GLYATL3: variants seen among roughly 807,000 people sequenced by gnomAD.
GLYATL3 encodes glycine-N-acyltransferase like 3, also known as glycine N-acyltransferase-like protein 3.
GLYATL3 carries 31 observed loss-of-function variants against 28.5 expected under a neutral mutation model. That is an observed-to-expected ratio of 1.09 (90% CI 0.82 to 1.47). The LOEUF (loss-of-function observed/expected upper bound fraction) is 1.47, where lower values mean the gene tolerates loss of function less well. GLYATL3 is among the 40% of genes most tolerant of loss of function. The pLI, the probability that GLYATL3 is intolerant of heterozygous loss-of-function variation, is 0.00. For synonymous variants in GLYATL3, 141 were observed against 140.2 expected (o/e 1.01, Z -0.04); for missense variants, 369 against 351.5 (o/e 1.05, Z -0.40).
At chr6:49,518,386 A>T (rs899720487) in intron 4 of GLYATL3, among the ~76,000 whole-genome samples, 1 of 152,216 alleles carries the variant, frequency 6.6e-6, no homozygotes, top group African/African-American at 2.4e-5. Context: ...GTCAGTGTAC[A>T]CTTACTCTTC....
chr6:49,522,602 A>T (rs1769336840), intron 5 of GLYATL3, among the ~76,000 whole-genome samples: 1 of 152,222 alleles, frequency 6.6e-6, no homozygotes, highest in Non-Finnish European at 1.5e-5. Flanking sequence ...TATTAAAAAA[A>T]GTTGTAATAT....
At chr6:49,512,868 C>T (rs1017951162) in intron 2 of GLYATL3, among the ~76,000 whole-genome samples, 2 of 152,198 alleles carry the variant, frequency 1.3e-5, no homozygotes, top group African/African-American at 4.8e-5. Context: ...CTCTAATGCA[C>T]TATACTGTGT....
intron 2 of GLYATL3, among the ~76,000 whole-genome samples, chr6:49,514,651 T>A (rs1396553436): frequency 1.3e-5 from 2 of 148,350 alleles, no homozygotes; most frequent in East Asian, 4.1e-4. Context: ...GGCAACATAA[T>A]GAGACCGCAT....
chr6:49,527,043 A>G lies in GLYATL3; in HGVS notation c.*129A>G. ...TTGTTGGAAAGGGTCTGGAGAATAT[A>G]TACAGGATCCACTTGAGAAGCCTTA... is the stretch of plus-strand genomic sequence containing the variant. On this transcript the variant is annotated 3_prime_UTR_variant, in exon 6 of 6. Transcript: ENST00000371197. 1.4e-6 allele frequency: 1 copy of G among 695,070 alleles called. No individual in the cohort carries two copies. The highest frequency in any genetic ancestry group is 2.3e-6 in the Non-Finnish European group (1 of 429,800). 43.1% of individuals were successfully genotyped at this position (695,070 alleles called of 1,614,324 possible).
In GLYATL3 at chr6:49,525,122, AT is replaced by A; in HGVS notation, c.441-1364del. Reference sequence around the variant, plus strand: ...TTTTTTTTTTTTTATTGAGCAAAAGATTAGGGCTTCAAGAATCTGGACTTAC... The same window carrying A: ...TTTTTTTTTTTTTATTGAGCAAAAGATAGGGCTTCAAGAATCTGGACTTAC... On this transcript the variant is annotated intron_variant, in intron 5 of 5. Transcript: ENST00000371197. 4.1e-5 allele frequency among the ~76,000 whole-genome samples: 6 copies of A among 147,702 alleles called. 1 individual carries two copies. In the East Asian group the frequency reaches 1.2e-3, roughly 29 times the overall value.
chr6:49,520,396 G>A (rs1769293544), intron 4 of GLYATL3, among the ~76,000 whole-genome samples: 2 of 152,122 alleles, frequency 1.3e-5, no homozygotes, highest in South Asian at 2.1e-4. Context: ...TATAATATGA[G>A]ATACTAGCCA....
chr6:49,521,032 A>C (rs7740682), intron 4 of GLYATL3, among the ~76,000 whole-genome samples: 18 of 151,950 alleles, frequency 1.2e-4, no homozygotes, highest in Admixed American at 6.6e-5. Context: ...AAATAAAGAA[A>C]AGAAACCATA....
intron 2 of GLYATL3, among the ~76,000 whole-genome samples, chr6:49,512,487 C>T (rs1769142842): frequency 6.6e-6 from 1 of 152,000 alleles, no homozygotes. Context: ...TTTTCATAGT[C>T]ACCTGGATGA....
At position 49,511,984 on chromosome 6, in the gene GLYATL3, G is replaced by A; in HGVS notation, c.-7G>A. 4 of 1,445,118 alleles carry A rather than the reference G, an allele frequency of 2.8e-6. No individual in the cohort carries two copies. Among genetic ancestry groups the A allele is most frequent in the Non-Finnish European group, 3.8e-6 (4 of 1,061,514 alleles). The allele number at this position is 1,445,118 out of a possible 1,614,324, so 89.5% of individuals were successfully genotyped here. ...TTAGGTGTGGAGTTGCAAGAGCTCT[G>A]GAAAAGATGTTGGTGCTAAACTGTT... is the stretch of plus-strand genomic sequence containing the variant. On this transcript the variant is annotated 5_prime_UTR_variant, in exon 2 of 6. Transcript: ENST00000371197.
intron 4 of GLYATL3, among the ~76,000 whole-genome samples, chr6:49,520,124 A>C (rs1373287204): frequency 2.6e-5 from 4 of 152,198 alleles, no homozygotes; most frequent in African/African-American, 9.7e-5. Flanking sequence ...TAAAGAAGAC[A>C]AAAGGACATG....
At chr6:49,505,169 T>A (rs1056797665) in intron 1 of GLYATL3, among the ~76,000 whole-genome samples, 2 of 152,174 alleles carry the variant, frequency 1.3e-5, no homozygotes, top group Non-Finnish European at 2.9e-5. Flanking sequence ...ACTTTATGAT[T>A]ACCACTGGAT....
Position 49,515,861 on chromosome 6 carries a change from CA to C in GLYATL3, c.186+103del, listed in dbSNP as rs1482543208. The C allele has an allele frequency of 1.0e-3, 628 of 618,568 alleles. 4 individuals are homozygous for C. The African/African-American group carries it at 0.014, about 14-fold the overall frequency. 38.3% of individuals were successfully genotyped at this position (618,568 alleles called of 1,614,324 possible). On this transcript the variant is annotated intron_variant, in intron 3 of 5. Transcript: ENST00000371197. ...CATAGTAGCCATTTACATTAGCTTA[CA>C]ACACTGTTTCACCATTCATTTCTTT...
chr6:49,511,935 A>G lies in GLYATL3; in HGVS notation c.-28-28A>G, dbSNP rs9473579. ...ATCCAAATATTAACAGGCAAAAATT[A>G]AATGCCTACCTTCAAGTTTCTAATT... On this transcript the variant is annotated intron_variant, in intron 1 of 5. Transcript: ENST00000371197. 7,540 of 843,272 alleles carry G rather than the reference A, an allele frequency of 8.9e-3. 223 individuals are homozygous for G. The highest frequency in any genetic ancestry group is 0.073 in the African/African-American group (4,284 of 58,532). The allele number at this position is 843,272 out of a possible 1,614,324, so 52.2% of individuals were successfully genotyped here.
Position 49,526,686 on chromosome 6 carries a change from C to T in GLYATL3, c.639C>T (p.Cys213=). The T allele has an allele frequency of 6.4e-7, 1 of 1,551,790 alleles. No homozygotes were observed. Among genetic ancestry groups the T allele is most frequent in the Non-Finnish European group, 8.7e-7 (1 of 1,147,012 alleles). The change falls in exon 6 of 6, where the codon TGC becomes TGT. Residue 213 remains cysteine, a synonymous_variant. Transcript: ENST00000371197. ...TCACAGACCAGTTTGCCACCATGTG[C>T]CATGGCTACACCCTGCCAGAACATC... The part of the protein sequence containing the change: ...WSITDQFATM[C]HGYTLPEHRR...
intron 1 of GLYATL3, among the ~76,000 whole-genome samples, chr6:49,510,358 T>C (rs1280052253): frequency 6.6e-6 from 1 of 152,158 alleles, no homozygotes; most frequent in Non-Finnish European, 1.5e-5. Context: ...TTTTCATAAA[T>C]GGCTTTAGAT....
intron 2 of GLYATL3, among the ~76,000 whole-genome samples, chr6:49,514,667 C>CA (rs5876117): frequency 0.43 from 65,956 of 151,838 alleles, 14,917 homozygotes; most frequent in East Asian, 0.62. Context: ...CGCATCTCTA[C>CA]AAAAAAAATT....
Position 49,507,848 on chromosome 6 carries a change from C to T in GLYATL3, c.-28-4115C>T, listed in dbSNP as rs535836767. ...CAGTGCCACCAATGCACTGAATATA[C>T]CAGCATTTCTTATTAAGTTTAGTGA... On this transcript the variant is annotated intron_variant, in intron 1 of 5. Coordinates refer to ENST00000371197, the MANE Select transcript of GLYATL3 (RefSeq NM_001010904.2). Among the ~76,000 whole-genome samples the T allele has an allele frequency of 5.9e-5, 9 of 152,170 alleles. No homozygotes were observed. The South Asian group carries it at 1.9e-3, about 32-fold the overall frequency.
At chr6:49,515,839 A>G (rs1291059773) in intron 3 of GLYATL3, 79 bp downstream of exon 3, 5 of 797,298 alleles carry the variant, frequency 6.3e-6, no homozygotes, top group Non-Finnish European at 1.1e-5. Context: ...TTATAATCAT[A>G]GTAGCCATTT....
intron 5 of GLYATL3, among the ~76,000 whole-genome samples, chr6:49,524,701 A>G (rs545020160): frequency 5.8e-4 from 88 of 152,246 alleles, no homozygotes; most frequent in Non-Finnish European, 1.1e-3. Context: ...AAGAACAAAT[A>G]TGGCCAGGTG....
Sources: gnomAD v4.1 joint callset for allele counts (sites outside exome capture counted in the v4.1 genomes callset) on GRCh38, gnomAD v4.1.1 for gene constraint, MANE v1.5 for transcripts, NCBI Gene and HGNC (gene_info 2026-07-23, HGNC 2026-07-21) for gene names.